The following BRD10 variants were observed in gnomAD, a reference collection of about 807,000 sequenced individuals.
BRD10 encodes uncharacterized bromodomain-containing protein 10.
the BRD10 span, chr9:5,919,648 C>A: frequency 1.3e-6 from 2 of 1,542,148 alleles, no homozygotes. Context: ...CAAAACAATG[C>A]CCCATTATTT....
At chr9:5,960,613 A>G in the BRD10 span, among the ~76,000 whole-genome samples, 2 of 151,870 alleles carry the variant, frequency 1.3e-5, no homozygotes, top group African/African-American at 4.8e-5. Flanking sequence ...TTGAGGGGGG[A>G]AAACTTTCCA....
At chr9:5,923,451 C>G in the BRD10 span, 2 of 626,036 alleles carry the variant, frequency 3.2e-6, no homozygotes, top group Non-Finnish European at 5.4e-6. Flanking sequence ...AGCCTTAGCA[C>G]CACTGATGAA....
the BRD10 span, chr9:5,920,149 A>G: frequency 1.2e-6 from 2 of 1,613,988 alleles, no homozygotes; most frequent in Non-Finnish European, 1.7e-6. Flanking sequence ...CACTTAAGGA[A>G]TTATTTGATG....
the BRD10 span, among the ~76,000 whole-genome samples, chr9:5,976,678 CTT>C: frequency 6.6e-6 from 1 of 151,280 alleles, no homozygotes; most frequent in African/African-American, 2.4e-5. Context: ...AAATGTGACA[CTT>C]TGTTTTTTTC....
the BRD10 span, among the ~76,000 whole-genome samples, chr9:5,879,385 A>T: frequency 6.6e-6 from 1 of 151,692 alleles, no homozygotes; most frequent in African/African-American, 2.4e-5. Flanking sequence ...AAAAAAAAAG[A>T]GAGAAAGAAA....
chr9:6,004,946 C>T, the BRD10 span, among the ~76,000 whole-genome samples: 1 of 152,116 alleles, frequency 6.6e-6, no homozygotes, highest in Non-Finnish European at 1.5e-5. Flanking sequence ...TACAAAAAAG[C>T]GAGGGACTCC....
chr9:5,973,176 G>T, the BRD10 span, among the ~76,000 whole-genome samples: 9 of 152,288 alleles, frequency 5.9e-5, no homozygotes, highest in South Asian at 1.9e-3. Flanking sequence ...TCAAATACAT[G>T]ACAACAACAG....
chr9:5,938,146 G>A, the BRD10 span, among the ~76,000 whole-genome samples: 9 of 152,256 alleles, frequency 5.9e-5, no homozygotes, highest in East Asian at 1.7e-3. Context: ...TTTTATAAAA[G>A]GACAGGGGCT....
chr9:5,891,163 G>C, the BRD10 span: 1 of 152,132 alleles, frequency 6.6e-6, no homozygotes, highest in Admixed American at 6.5e-5. Flanking sequence ...CAATTATTCA[G>C]GATGGCATCT....
chr9:5,940,257 G>A, the BRD10 span, among the ~76,000 whole-genome samples: 6,900 of 152,132 alleles, frequency 0.045, 532 homozygotes, highest in African/African-American at 0.16. Context: ...ACAGTGGTGC[G>A]ATCTTGGCTC....
chr9:5,971,421 T>C, the BRD10 span, among the ~76,000 whole-genome samples: 2 of 152,190 alleles, frequency 1.3e-5, no homozygotes, highest in Non-Finnish European at 2.9e-5. Flanking sequence ...TGTATATAAA[T>C]GTTCTTAGCA....
the BRD10 span, among the ~76,000 whole-genome samples, chr9:5,936,017 T>C: frequency 6.6e-6 from 1 of 152,332 alleles, no homozygotes; most frequent in South Asian, 2.1e-4. Flanking sequence ...AGTTTTAAAC[T>C]CCTAAGACCT....
At chr9:5,992,222 T>A in the BRD10 span, among the ~76,000 whole-genome samples, 3 of 152,214 alleles carry the variant, frequency 2.0e-5, no homozygotes, top group African/African-American at 7.2e-5. Context: ...GATAGGAACT[T>A]TGTTTTGTTA....
the BRD10 span, among the ~76,000 whole-genome samples, chr9:5,955,602 T>C: frequency 4.0e-5 from 6 of 150,712 alleles, no homozygotes; most frequent in African/African-American, 1.5e-4. Context: ...TTTGGCTCAA[T>C]GAAATCCATG....
chr9:5,997,968 T>G, the BRD10 span, among the ~76,000 whole-genome samples: 1 of 152,160 alleles, frequency 6.6e-6, no homozygotes, highest in Non-Finnish European at 1.5e-5. Context: ...GAACACTTAC[T>G]TAAGTGGTAA....
chr9:5,976,186 G>C, the BRD10 span, among the ~76,000 whole-genome samples: 1 of 152,044 alleles, frequency 6.6e-6, no homozygotes, highest in Non-Finnish European at 1.5e-5. Context: ...TTTTAAACTA[G>C]AGAGTGTGTA....
chr9:5,920,057 T>G, the BRD10 span: 1 of 1,613,998 alleles, frequency 6.2e-7, no homozygotes, highest in Non-Finnish European at 8.5e-7. Flanking sequence ...TGGTGATGTA[T>G]GTACTGTGGG....
At chr9:5,963,641 C>A in the BRD10 span, among the ~76,000 whole-genome samples, 1 of 152,140 alleles carries the variant, frequency 6.6e-6, no homozygotes, top group African/African-American at 2.4e-5. Context: ...CATCACGCTA[C>A]CTGACTTCAA....
the BRD10 span, among the ~76,000 whole-genome samples, chr9:5,933,200 C>G: frequency 6.6e-6 from 1 of 152,114 alleles, no homozygotes; most frequent in South Asian, 2.1e-4. Context: ...CCTTTATAAA[C>G]AAGTATGTGA....
Sources: gnomAD v4.1 joint callset for allele counts (sites outside exome capture counted in the v4.1 genomes callset) on GRCh38, gnomAD v4.1.1 for gene constraint, MANE v1.5 for transcripts, NCBI Gene and HGNC (gene_info 2026-07-23, HGNC 2026-07-21) for gene names.